Variants in TNFSF4 observed in about 807,000 individuals in gnomAD.
TNFSF4 encodes tumor necrosis factor ligand superfamily member 4.
Under a neutral mutation model 7.3 loss-of-function variants are expected in TNFSF4, and 4 were observed. The ratio of observed to expected loss-of-function variants is 0.55; its 90% CI spans 0.27 to 1.25. TNFSF4 has a LOEUF of 1.25. Among genes scored for constraint, TNFSF4 ranks in the 50% most tolerant of loss-of-function variants. The pLI is 0.12. For missense variants in TNFSF4, 181 were observed against 208.8 expected (o/e 0.87, Z 0.82); for synonymous variants, 76 against 83.7 (o/e 0.91, Z 0.50).
chr1:173,408,595 T>G, the TNFSF4 span, among the ~76,000 whole-genome samples: 1 of 151,930 alleles, frequency 6.6e-6, no homozygotes, highest in South Asian at 2.1e-4. Context: ...AGAATGGAGT[T>G]GTTTTTTTTT....
the TNFSF4 span, among the ~76,000 whole-genome samples, chr1:173,439,110 C>T: frequency 6.6e-6 from 1 of 152,200 alleles, no homozygotes; most frequent in Non-Finnish European, 1.5e-5. Flanking sequence ...CTGAGTTCTG[C>T]AGATCCAGTC....
At chr1:173,420,073 T>A in the TNFSF4 span, among the ~76,000 whole-genome samples, 1 of 152,204 alleles carries the variant, frequency 6.6e-6, no homozygotes, top group Non-Finnish European at 1.5e-5. Context: ...AAAAGCAATT[T>A]TTTTTCTTTT....
At chr1:173,417,117 T>C in the TNFSF4 span, among the ~76,000 whole-genome samples, 1 of 152,216 alleles carries the variant, frequency 6.6e-6, no homozygotes, top group Non-Finnish European at 1.5e-5. Context: ...CTTTTGAAAA[T>C]GCTCCTATAG....
chr1:173,225,093 G>A, the TNFSF4 span, among the ~76,000 whole-genome samples: 4 of 152,146 alleles, frequency 2.6e-5, no homozygotes, highest in African/African-American at 9.7e-5. Flanking sequence ...TCAGAACTGT[G>A]TCTCATACTC....
chr1:173,328,869 T>A, the TNFSF4 span, among the ~76,000 whole-genome samples: 712 of 151,844 alleles, frequency 4.7e-3, 3 homozygotes, highest in Non-Finnish European at 7.2e-3. Context: ...AAAAAAAAAA[T>A]GTTTTGTACC....
the TNFSF4 span, among the ~76,000 whole-genome samples, chr1:173,282,736 C>G: frequency 6.6e-6 from 1 of 152,090 alleles, no homozygotes; most frequent in South Asian, 2.1e-4. Flanking sequence ...GGATTACAGG[C>G]GTGAGCTACC....
chr1:173,177,153 A>T, the TNFSF4 span, among the ~76,000 whole-genome samples: 217 of 152,248 alleles, frequency 1.4e-3, 1 homozygote, highest in African/African-American at 5.1e-3. Context: ...GAAAAGGTAA[A>T]TTTTATGCTT....
chr1:173,259,440 C>T, the TNFSF4 span, among the ~76,000 whole-genome samples: 1 of 152,190 alleles, frequency 6.6e-6, no homozygotes, highest in South Asian at 2.1e-4. Context: ...CTCTTCTCCT[C>T]CAAATGATCA....
the TNFSF4 span, among the ~76,000 whole-genome samples, chr1:173,262,339 T>C: frequency 1.3e-5 from 2 of 152,056 alleles, no homozygotes; most frequent in East Asian, 3.9e-4. Flanking sequence ...CTCAAAATAG[T>C]AAGAGCTATT....
At chr1:173,418,786 C>A in the TNFSF4 span, among the ~76,000 whole-genome samples, 1 of 152,078 alleles carries the variant, frequency 6.6e-6, no homozygotes, top group Non-Finnish European at 1.5e-5. Context: ...ATGGTCATGG[C>A]GAGCCTTACA....
chr1:173,326,955 T>C, the TNFSF4 span, among the ~76,000 whole-genome samples: 2 of 152,194 alleles, frequency 1.3e-5, no homozygotes, highest in African/African-American at 2.4e-5. Context: ...AGGTAATTTA[T>C]AGAATCAATG....
the TNFSF4 span, among the ~76,000 whole-genome samples, chr1:173,173,541 C>G: frequency 3.3e-5 from 5 of 152,244 alleles, no homozygotes; most frequent in African/African-American, 9.6e-5. Context: ...GGCTCCACCC[C>G]TGCAGCAAAC....
At chr1:173,256,442 G>T in the TNFSF4 span, among the ~76,000 whole-genome samples, 2 of 152,064 alleles carry the variant, frequency 1.3e-5, no homozygotes, top group African/African-American at 4.8e-5. Context: ...TCTCATGAAG[G>T]CCTCACCTTC....
the TNFSF4 span, among the ~76,000 whole-genome samples, chr1:173,445,944 C>A: frequency 2.6e-5 from 4 of 152,084 alleles, no homozygotes; most frequent in Admixed American, 1.3e-4. Context: ...ATAGTCTGAA[C>A]AAAACCAGTG....
At chr1:173,249,380 A>C in the TNFSF4 span, among the ~76,000 whole-genome samples, 4 of 152,246 alleles carry the variant, frequency 2.6e-5, no homozygotes, top group African/African-American at 9.6e-5. Flanking sequence ...ACAAAATGCA[A>C]GCTTGAGGGA....
the TNFSF4 span, among the ~76,000 whole-genome samples, chr1:173,406,006 G>A: frequency 3.3e-5 from 5 of 152,122 alleles, no homozygotes; most frequent in Non-Finnish European, 5.9e-5. Context: ...GTTTGATCTC[G>A]ACCCACTTCT....
the TNFSF4 span, among the ~76,000 whole-genome samples, chr1:173,254,492 T>C: frequency 1.8e-3 from 276 of 152,320 alleles, no homozygotes; most frequent in African/African-American, 6.2e-3. Context: ...ATGGTCTGTT[T>C]TGGGTTCTGT....
the TNFSF4 span, among the ~76,000 whole-genome samples, chr1:173,219,038 AAC>A: frequency 1.3e-5 from 2 of 152,136 alleles, no homozygotes; most frequent in African/African-American, 4.8e-5. Context: ...TTCATGGAAA[AAC>A]TGTCTTGTTT....
chr1:173,376,338 A>G, the TNFSF4 span, among the ~76,000 whole-genome samples: 28 of 152,308 alleles, frequency 1.8e-4, no homozygotes, highest in East Asian at 2.5e-3. Context: ...GTAATACAGG[A>G]ACAGAAAACC....
Sources: gnomAD v4.1 joint callset for allele counts (sites outside exome capture counted in the v4.1 genomes callset) on GRCh38, gnomAD v4.1.1 for gene constraint, MANE v1.5 for transcripts, NCBI Gene and HGNC (gene_info 2026-07-23, HGNC 2026-07-21) for gene names.